Variants in PCDH15 observed in about 807,000 individuals in gnomAD.
PCDH15 encodes the protein protocadherin related 15.
Under a neutral mutation model 178.5 loss-of-function variants are expected in PCDH15, and 129 were observed. The observed-to-expected ratio is 0.72, with a 90% CI of 0.63 to 0.84. The LOEUF is 0.84. Among genes scored for constraint, PCDH15 ranks in the 40% least tolerant of loss-of-function variants. PCDH15 has a pLI of 0.00. For missense variants in PCDH15, 2,230 were observed against 2,099.9 expected, an observed-to-expected ratio of 1.06 and a Z score of -1.21; for synonymous variants, 800 against 732.0, an observed-to-expected ratio of 1.09 and a Z score of -1.50.
chr10:54,185,134 C>T lies in PCDH15; in HGVS notation c.1440G>A (p.Ser480=), dbSNP rs778730996. The T allele has an allele frequency of 3.2e-5, 51 of 1,612,860 alleles. No individual in the cohort carries two copies. The East Asian group carries it at 4.5e-4, about 14-fold the overall frequency. The change falls in exon 12 of 38, where the codon TCG becomes TCA. Residue 480 remains serine, a splice_region_variant and synonymous_variant. Transcript: ENST00000644397. The part of the protein sequence containing the change: ...DREEQQTYTF[S]ITAFDGVQES... ...GTATATTTACACAAAAGCTCTTTACCGAAAAGGTGTAAGTTTGCTGTTCTT... is the reference window on the plus strand; with the variant it reads ...GTATATTTACACAAAAGCTCTTTACTGAAAAGGTGTAAGTTTGCTGTTCTT...
intron 2 of PCDH15, among the ~76,000 whole-genome samples, chr10:55,554,388 C>T (rs1359956216): frequency 6.6e-6 from 1 of 151,996 alleles, no homozygotes; most frequent in Non-Finnish European, 1.5e-5. Context: ...ACAACTTGAG[C>T]ATAAATTACA....
intron 1 of PCDH15, among the ~76,000 whole-genome samples, chr10:55,190,021 T>C (rs1243128092): frequency 2.0e-5 from 3 of 151,770 alleles, no homozygotes; most frequent in Admixed American, 2.0e-4. Flanking sequence ...CAAGTACTCT[T>C]CAGTAAGAAT....
chr10:54,320,342 C>T (rs2061521377), intron 7 of PCDH15, among the ~76,000 whole-genome samples: 1 of 151,972 alleles, frequency 6.6e-6, no homozygotes, highest in Admixed American at 6.6e-5. Context: ...TAGAAGCCTC[C>T]TCCCTCTCAT....
chr10:54,375,807 TATAA>T (rs1047218036), intron 4 of PCDH15, among the ~76,000 whole-genome samples: 2 of 116,280 alleles, frequency 1.7e-5, no homozygotes, highest in African/African-American at 6.8e-5. Context: ...ATATATAATA[TATAA>T]ATAAAAATAT....
At chr10:54,802,876 T>A (rs1197723242), upstream of PCDH15, among the ~76,000 whole-genome samples, 1 of 152,182 alleles carries the variant, frequency 6.6e-6, no homozygotes, top group East Asian at 1.9e-4. Context: ...ACAGAAAATT[T>A]TATCCCTTCC....
At chr10:54,857,862 G>A (rs975402778) in intron 3 of PCDH15, among the ~76,000 whole-genome samples, 1 of 152,118 alleles carries the variant, frequency 6.6e-6, no homozygotes, top group Non-Finnish European at 1.5e-5. Flanking sequence ...TTATATAAAT[G>A]TATGGGTTAC....
At chr10:54,191,075 G>A (rs2048946767) in intron 11 of PCDH15, among the ~76,000 whole-genome samples, 1 of 152,150 alleles carries the variant, frequency 6.6e-6, no homozygotes, top group Admixed American at 6.6e-5. Context: ...TAGCATCTTT[G>A]AAGCATCTGT....
At chr10:54,361,101 C>G (rs1966746) in intron 5 of PCDH15, among the ~76,000 whole-genome samples, 152,200 of 152,200 alleles carry the variant, frequency 1, 76,100 homozygotes, top group Non-Finnish European at 1. Context: ...CTTGCCATAG[C>G]CAGATTATTA....
At chr10:53,837,640 A>T (rs1282354262) in intron 29 of PCDH15, among the ~76,000 whole-genome samples, 1 of 152,094 alleles carries the variant, frequency 6.6e-6, no homozygotes, top group African/African-American at 2.4e-5. Flanking sequence ...CTGGACCGGC[A>T]TCTTAATGTT....
At chr10:54,553,755 C>A (rs1342217699) in intron 2 of PCDH15, among the ~76,000 whole-genome samples, 1 of 152,052 alleles carries the variant, frequency 6.6e-6, no homozygotes, top group Non-Finnish European at 1.5e-5. Context: ...TGTATAAAAT[C>A]TCCCATTAAA....
intron 2 of PCDH15, among the ~76,000 whole-genome samples, chr10:55,099,102 T>G (rs1842517945): frequency 6.6e-6 from 1 of 152,096 alleles, no homozygotes; most frequent in Non-Finnish European, 1.5e-5. Context: ...TTAAAAATTT[T>G]TACTCTATTT....
intron 2 of PCDH15, among the ~76,000 whole-genome samples, chr10:55,596,569 T>C (rs1239728519): frequency 1.3e-5 from 2 of 152,068 alleles, no homozygotes; most frequent in Admixed American, 6.6e-5. Context: ...TAAAATATAA[T>C]AAAAGATAGA....
chr10:54,197,431 T>A (rs1223706082), intron 10 of PCDH15, among the ~76,000 whole-genome samples: 5 of 152,184 alleles, frequency 3.3e-5, no homozygotes, highest in Non-Finnish European at 7.4e-5. Context: ...AACATGGATA[T>A]AATTTAATAG....
chr10:54,461,612 C>T (rs968285940), intron 3 of PCDH15, among the ~76,000 whole-genome samples: 18 of 152,084 alleles, frequency 1.2e-4, no homozygotes, highest in African/African-American at 4.3e-4. Flanking sequence ...ATAGCTGAAA[C>T]CTCTGGAATT....
At chr10:54,572,621 A>G (rs981392012) in intron 2 of PCDH15, among the ~76,000 whole-genome samples, 1 of 152,090 alleles carries the variant, frequency 6.6e-6, no homozygotes, top group African/African-American at 2.4e-5. Flanking sequence ...AAATGTATTA[A>G]ATATGTTTTG....
chr10:54,161,424 C>T (rs1013228685), intron 13 of PCDH15, among the ~76,000 whole-genome samples: 1 of 151,980 alleles, frequency 6.6e-6, no homozygotes, highest in African/African-American at 2.4e-5. Flanking sequence ...TACAAGTGGT[C>T]ATGAGTAAAG....
chr10:54,778,954 T>C (rs1949986670), intron 1 of PCDH15, among the ~76,000 whole-genome samples: 1 of 152,138 alleles, frequency 6.6e-6, no homozygotes, highest in South Asian at 2.1e-4. Flanking sequence ...TTCATTCCTT[T>C]CCTGTTCCAG....
chr10:54,110,165 G>A (rs952913256), intron 15 of PCDH15, among the ~76,000 whole-genome samples: 1 of 152,002 alleles, frequency 6.6e-6, no homozygotes, highest in East Asian at 1.9e-4. Flanking sequence ...CCAGGCGTGT[G>A]GTGTCAAAGC....
chr10:54,480,834 C>T (rs575937067), intron 3 of PCDH15, among the ~76,000 whole-genome samples: 2 of 151,868 alleles, frequency 1.3e-5, no homozygotes, highest in South Asian at 2.1e-4. Flanking sequence ...ACAAGTGTTC[C>T]TTTTTTCATA....
Sources: allele counts gnomAD v4.1 joint callset (sites outside exome capture counted in the v4.1 genomes callset), GRCh38; gene constraint gnomAD v4.1.1; transcripts MANE v1.5; gene names NCBI Gene and HGNC (gene_info 2026-07-23, HGNC 2026-07-21).